The following MB21D2 variants were observed in gnomAD, a reference collection of about 807,000 sequenced individuals.
MB21D2 encodes nucleotidyltransferase MB21D2.
In MB21D2, 9 loss-of-function variants were observed where a neutral mutation model predicts 33.3. That is an observed-to-expected ratio of 0.27 (90% CI 0.16 to 0.47). MB21D2 has a LOEUF of 0.47. MB21D2 is among the 20% of genes least tolerant of loss of function. The pLI is 0.99. For missense variants in MB21D2, 540 were observed against 624.6 expected (o/e 0.86, Z 1.44); for synonymous variants, 241 against 236.3 (o/e 1.02, Z -0.18).
chr3:192,865,864 A>G (rs977487046), intron 1 of MB21D2, among the ~76,000 whole-genome samples: 1 of 152,068 alleles, frequency 6.6e-6, no homozygotes, highest in African/African-American at 2.4e-5. Flanking sequence ...TAGGCAACAT[A>G]GTAAGACTCT....
At chr3:192,818,350 A>G (rs1299527566) in intron 1 of MB21D2, among the ~76,000 whole-genome samples, 2 of 152,214 alleles carry the variant, frequency 1.3e-5, no homozygotes, top group Non-Finnish European at 2.9e-5. Context: ...GGCAGATAGG[A>G]AAATGATGTC....
intron 1 of MB21D2, among the ~76,000 whole-genome samples, chr3:192,856,439 A>T (rs1006864106): frequency 1.3e-5 from 2 of 152,258 alleles, no homozygotes; most frequent in Non-Finnish European, 2.9e-5. Flanking sequence ...ACGGGAAATT[A>T]GGCAATAAGC....
intron 1 of MB21D2, among the ~76,000 whole-genome samples, chr3:192,827,991 T>G (rs918281272): frequency 1.3e-5 from 2 of 152,090 alleles, no homozygotes; most frequent in African/African-American, 2.4e-5. Flanking sequence ...TCTCATGAGA[T>G]CTGATGGCTT....
intron 1 of MB21D2, among the ~76,000 whole-genome samples, chr3:192,838,622 G>GT (rs1012725651): frequency 1.3e-5 from 2 of 151,998 alleles, no homozygotes; most frequent in African/African-American, 4.8e-5. Flanking sequence ...TAGAGATGGG[G>GT]TTTCACCGTG....
At chr3:192,910,917 T>G (rs1019815626) in intron 1 of MB21D2, among the ~76,000 whole-genome samples, 2 of 152,212 alleles carry the variant, frequency 1.3e-5, no homozygotes, top group Non-Finnish European at 2.9e-5. Flanking sequence ...AATTCCCTTT[T>G]CTCTTACTAT....
chr3:192,799,785 C>T lies in MB21D2; in HGVS notation c.212-135G>A. 1.1e-6 allele frequency: 1 copy of T among 945,674 alleles called. No homozygotes were observed. The highest frequency in any genetic ancestry group is 1.5e-6 in the Non-Finnish European group (1 of 653,634). 58.6% of individuals were successfully genotyped at this position (945,674 alleles called of 1,614,324 possible). ...TACTAAATCAAATCTCAGGCTGCTGCAGAGACCTGGCCAACAGTACTTTCT... is the reference window on the plus strand; with the variant it reads ...TACTAAATCAAATCTCAGGCTGCTGTAGAGACCTGGCCAACAGTACTTTCT... On this transcript the variant is annotated intron_variant, in intron 1 of 1. Transcript: ENST00000392452. This position sits in a 1 kb window ranked among gnomAD's most constrained non-coding sequence, Gnocchi z 4.1.
chr3:192,868,452 C>T (rs752284119), intron 1 of MB21D2, among the ~76,000 whole-genome samples: 1 of 152,124 alleles, frequency 6.6e-6, no homozygotes, highest in African/African-American at 2.4e-5. Flanking sequence ...TCACCTCTAA[C>T]CATGAACTTT....
chr3:192,864,663 C>T (rs908414918), intron 1 of MB21D2, among the ~76,000 whole-genome samples: 2 of 152,114 alleles, frequency 1.3e-5, no homozygotes, highest in Non-Finnish European at 2.9e-5. Flanking sequence ...CCCGCCACCA[C>T]GCCTGGTTAA....
In MB21D2 at chr3:192,798,587, T is replaced by A. The variant is rs764696960; in HGVS notation, c.1275A>T (p.Thr425=). 6 of 1,613,998 alleles carry A rather than the reference T, an allele frequency of 3.7e-6. No individual in the cohort carries two copies. The South Asian group carries it at 6.6e-5, about 18-fold the overall frequency. ...IEHVKAANRL[T]LELQRRGSTT... ...TGCTACCTCGCCTCTGGAGCTCCAG[T>A]GTCAGCCGGTTGGCTGCCTTGACAT... The change falls in exon 2 of 2, where the codon ACA becomes ACT. Residue 425 remains threonine, a synonymous_variant. Transcript: ENST00000392452. The surrounding 1 kb of genome is among the most constrained non-coding windows in gnomAD (Gnocchi z 4.8).
intron 1 of MB21D2, among the ~76,000 whole-genome samples, chr3:192,910,130 G>A (rs1163542312): frequency 6.6e-6 from 1 of 151,080 alleles, no homozygotes. Flanking sequence ...TAAAATCCTC[G>A]GAGGTCACCA....
chr3:192,866,076 G>T lies in MB21D2; in HGVS notation c.211+51554C>A, dbSNP rs147403018. 9.9e-3 allele frequency among the ~76,000 whole-genome samples: 1,502 copies of T among 151,820 alleles called. 27 individuals are homozygous for T. The highest frequency in any genetic ancestry group is 0.034 in the African/African-American group (1,409 of 41,386). On this transcript the variant is annotated intron_variant, in intron 1 of 1. Transcript: ENST00000392452. ...AAATAAATAAATAAAAAAAAAAGAA[G>T]TTTCTGATTCCAAGGGTAATGATGA... is the stretch of plus-strand genomic sequence containing the variant.
intron 1 of MB21D2, among the ~76,000 whole-genome samples, chr3:192,875,701 C>G (rs1713414640): frequency 1.3e-5 from 2 of 152,146 alleles, no homozygotes; most frequent in South Asian, 4.1e-4. Context: ...AACACTTTCC[C>G]TCTGTACATA....
At chr3:192,912,267 A>G (rs775500269) in intron 1 of MB21D2, among the ~76,000 whole-genome samples, 7 of 152,240 alleles carry the variant, frequency 4.6e-5, no homozygotes, top group African/African-American at 7.2e-5. Context: ...TTTTATCTTC[A>G]GAACCCTGCA....
At chr3:192,896,341 T>A (rs1025454348) in intron 1 of MB21D2, among the ~76,000 whole-genome samples, 1 of 152,188 alleles carries the variant, frequency 6.6e-6, no homozygotes, top group African/African-American at 2.4e-5. Context: ...TTCTTCCCAC[T>A]ACACCACACA....
At chr3:192,870,090 G>A (rs1362296928) in intron 1 of MB21D2, among the ~76,000 whole-genome samples, 4 of 152,214 alleles carry the variant, frequency 2.6e-5, no homozygotes, top group African/African-American at 4.8e-5. Flanking sequence ...AACCAAATAC[G>A]GATGCTCTTG....
chr3:192,917,554 AG>A, intron 1 of MB21D2, 75 bp downstream of exon 1: 1 of 1,511,242 alleles, frequency 6.6e-7, no homozygotes, highest in Non-Finnish European at 9.1e-7. Flanking sequence ...GAGGTCGAGA[AG>A]CGGCAATGGG....
chr3:192,867,785 C>T (rs1460889599), intron 1 of MB21D2, among the ~76,000 whole-genome samples: 1 of 152,104 alleles, frequency 6.6e-6, no homozygotes, highest in Non-Finnish European at 1.5e-5. Context: ...TAGTTTTCAG[C>T]GTCAGGCCTT....
intron 1 of MB21D2, among the ~76,000 whole-genome samples, chr3:192,810,665 T>TTA (rs1711764328): frequency 6.6e-6 from 1 of 152,236 alleles, no homozygotes; most frequent in Non-Finnish European, 1.5e-5. Flanking sequence ...TTTGCCATTC[T>TTA]TATTTCATTT....
chr3:192,853,676 C>G (rs1366129322), intron 1 of MB21D2, among the ~76,000 whole-genome samples: 1 of 151,932 alleles, frequency 6.6e-6, no homozygotes, highest in African/African-American at 2.4e-5. Flanking sequence ...AAAAGACTTA[C>G]AAGTACAGGC....
Sources: gnomAD v4.1 joint callset for allele counts (sites outside exome capture counted in the v4.1 genomes callset) on GRCh38, gnomAD v4.1.1 for gene constraint, Gnocchi (gnomAD v3.1) non-coding constraint, MANE v1.5 for transcripts, NCBI Gene and HGNC (gene_info 2026-07-23, HGNC 2026-07-21) for gene names.